The following ZC3H6 variants were observed in gnomAD, a reference collection of about 807,000 sequenced individuals.
The protein encoded by ZC3H6 is zinc finger CCCH-type containing 6.
Under a neutral mutation model 107.7 loss-of-function variants are expected in ZC3H6, and 40 were observed. That is an observed-to-expected ratio of 0.37 (90% confidence interval 0.29 to 0.48). The LOEUF is 0.48. Ranked by LOEUF, ZC3H6 falls within the 20% of genes least tolerant of loss-of-function variation. ZC3H6 has a pLI of 0.98. For synonymous variants in ZC3H6, 493 were observed against 487.9 expected, an observed-to-expected ratio of 1.01 and a Z score of -0.14; for missense variants, 1,267 against 1,410.4, an observed-to-expected ratio of 0.90 and a Z score of 1.63.
At chr2:112,290,072 CTAA>C (rs1676076074) in intron 1 of ZC3H6, among the ~76,000 whole-genome samples, 1 of 152,114 alleles carries the variant, frequency 6.6e-6, no homozygotes, top group South Asian at 2.1e-4. Flanking sequence ...AAAGTTTGGA[CTAA>C]TGTTCTTTGA....
chr2:112,296,829 C>G (rs1340749715), intron 1 of ZC3H6, among the ~76,000 whole-genome samples: 2 of 152,138 alleles, frequency 1.3e-5, no homozygotes, highest in Admixed American at 6.5e-5. Context: ...CCTGCTTTCA[C>G]CAATGAACAA....
intron 1 of ZC3H6, among the ~76,000 whole-genome samples, chr2:112,298,083 C>G (rs1467450413): frequency 1.3e-5 from 2 of 152,112 alleles, no homozygotes; most frequent in African/African-American, 4.8e-5. Context: ...CACTGCACTG[C>G]AGTCTGGGTG....
At chr2:112,309,385 G>GT (rs1249981797) in intron 3 of ZC3H6, among the ~76,000 whole-genome samples, 4 of 152,060 alleles carry the variant, frequency 2.6e-5, no homozygotes, top group Non-Finnish European at 4.4e-5. Flanking sequence ...GGAAAGCTCT[G>GT]TTTTTTCTAT....
At chr2:112,321,118 G>A (rs888151329) in intron 7 of ZC3H6, among the ~76,000 whole-genome samples, 5 of 151,942 alleles carry the variant, frequency 3.3e-5, no homozygotes, top group Non-Finnish European at 5.9e-5. Flanking sequence ...TACATCACCT[G>A]AGAGTGGTAT....
intron 1 of ZC3H6, among the ~76,000 whole-genome samples, chr2:112,297,615 T>A (rs897000072): frequency 6.6e-6 from 1 of 152,218 alleles, no homozygotes; most frequent in African/African-American, 2.4e-5. Flanking sequence ...TCATAATCAA[T>A]ATAAAAGTCA....
rs1677043757 is a variant in ZC3H6, at chr2:112,331,991, G to A, written c.3073G>A (p.Ala1025Thr). 1.2e-6 allele frequency: 2 copies of A among 1,613,958 alleles called. No individual in the cohort carries two copies. The highest frequency in any genetic ancestry group is 1.7e-6 in the Non-Finnish European group (2 of 1,179,894). Residue 1025 changes from alanine (A) to threonine (T), a missense_variant, in exon 12 of 12, where the codon GCC (alanine) becomes ACC (threonine). By Grantham distance (58) the Ala-to-Thr change is moderately conservative. Coordinates refer to ENST00000409871, the MANE Select transcript of ZC3H6 (RefSeq NM_198581.3). ...TGGTTCCGGGGCTCTGCCTCCATAT[G>A]CCCCTAAACTCTCTTCCTCAGCTGG... ...NSGSGALPPY[A>T]PKLSSSAGLP...
intron 1 of ZC3H6, among the ~76,000 whole-genome samples, chr2:112,289,322 CTT>C (rs1228912169): frequency 3.1e-5 from 2 of 65,434 alleles, no homozygotes; most frequent in Non-Finnish European, 6.7e-5. Context: ...TTTTCTTTTT[CTT>C]TTTTTTTTTT....
At chr2:112,288,547 A>G (rs1187283338) in intron 1 of ZC3H6, among the ~76,000 whole-genome samples, 4 of 152,188 alleles carry the variant, frequency 2.6e-5, no homozygotes, top group Non-Finnish European at 5.9e-5. Context: ...GGATGGCATA[A>G]TTTGTTCATG....
chr2:112,290,485 G>C (rs1034462348), intron 1 of ZC3H6, among the ~76,000 whole-genome samples: 5 of 152,236 alleles, frequency 3.3e-5, no homozygotes, highest in African/African-American at 1.2e-4. Flanking sequence ...TCGTATACTT[G>C]TGTGGTTATT....
intron 1 of ZC3H6, among the ~76,000 whole-genome samples, chr2:112,281,535 TTTGA>T (rs1360917430): frequency 6.6e-6 from 1 of 152,176 alleles, no homozygotes; most frequent in African/African-American, 2.4e-5. Flanking sequence ...GTGGATATGG[TTTGA>T]TTGGTTTTAG....
intron 1 of ZC3H6, among the ~76,000 whole-genome samples, chr2:112,276,569 ATGT>A (rs1686431160): frequency 6.6e-6 from 1 of 152,194 alleles, no homozygotes. Context: ...CAAGTTTAAT[ATGT>A]TAACACAAAA....
In ZC3H6 at chr2:112,335,477, T is replaced by G. The variant is rs1677122544; in HGVS notation, c.*2989T>G. On this transcript the variant is annotated 3_prime_UTR_variant, in exon 12 of 12. Transcript: ENST00000409871. ...GGGCTGGAAGTTTAAAGAGAATAAA[T>G]TCATATTTTTTGTTCTGAATTGATT... 6.6e-6 allele frequency: 1 copy of G among 152,136 alleles called. No homozygotes were observed. Among genetic ancestry groups the G allele is most frequent in the Non-Finnish European group, 1.5e-5 (1 of 68,018 alleles). 9.4% of individuals were successfully genotyped at this position (152,136 alleles called of 1,614,324 possible).
At position 112,324,967 on chromosome 2, in the gene ZC3H6, G is replaced by A; in HGVS notation, c.1856G>A (p.Gly619Glu). 1 of 1,598,374 alleles carries A rather than the reference G, an allele frequency of 6.3e-7. No homozygotes were observed. Among genetic ancestry groups the A allele is most frequent in the Non-Finnish European group, 8.5e-7 (1 of 1,171,956 alleles). The change falls in exon 11 of 12, where the codon GGG (glycine) becomes GAG (glutamate). Residue 619 changes from glycine (G) to glutamate (E), a missense_variant. By Grantham distance (98) the Gly-to-Glu change is moderately conservative. Around this residue, in one of 3 missense-constraint regions of ZC3H6, gnomAD observed 925 missense variants for 1,025.7 expected, o/e 0.90. Coordinates refer to ENST00000409871, the MANE Select transcript of ZC3H6 (RefSeq NM_198581.3). ...TCTCCCCATGTTATACATGTAGATG[G>A]GATGTGGCATGGTGAATTTGCCCAG... is the stretch of plus-strand genomic sequence containing the variant. ...NFQPPNNSGD[G>E]MWHGEFAQQQ...
chr2:112,313,863 A>G (rs938441511), intron 5 of ZC3H6, among the ~76,000 whole-genome samples: 4 of 152,146 alleles, frequency 2.6e-5, no homozygotes, highest in African/African-American at 9.7e-5. Flanking sequence ...AATTCGGGGT[A>G]CCTTCAGATT....
chr2:112,313,782 C>T (rs906439465), intron 5 of ZC3H6, among the ~76,000 whole-genome samples: 1 of 152,212 alleles, frequency 6.6e-6, no homozygotes, highest in South Asian at 2.1e-4. Flanking sequence ...GAGGCCACAG[C>T]AGAGTGGCCA....
At chr2:112,329,942 T>C (rs1676992669) in intron 11 of ZC3H6, among the ~76,000 whole-genome samples, 1 of 152,190 alleles carries the variant, frequency 6.6e-6, no homozygotes, top group South Asian at 2.1e-4. Flanking sequence ...TTACGATAGG[T>C]AGGCTTCTTT....
intron 1 of ZC3H6, among the ~76,000 whole-genome samples, chr2:112,295,220 A>G (rs1420282552): frequency 6.6e-6 from 1 of 152,168 alleles, no homozygotes; most frequent in Non-Finnish European, 1.5e-5. Flanking sequence ...GAACATGAAT[A>G]TGCTCCTTTT....
chr2:112,287,950 C>A (rs1281623314), intron 1 of ZC3H6, among the ~76,000 whole-genome samples: 3 of 152,210 alleles, frequency 2.0e-5, no homozygotes, highest in Non-Finnish European at 4.4e-5. Flanking sequence ...ACATGGCATG[C>A]CTTTCTGTTT....
chr2:112,284,182 T>C (rs1333027152), intron 1 of ZC3H6, among the ~76,000 whole-genome samples: 1 of 152,266 alleles, frequency 6.6e-6, no homozygotes, highest in Non-Finnish European at 1.5e-5. Context: ...TTTTATGATA[T>C]CTCCTGTTAG....
Sources: gnomAD v4.1 joint callset for allele counts (sites outside exome capture counted in the v4.1 genomes callset) on GRCh38, gnomAD v4.1.1 for gene constraint, gnomAD v4.1.1 regional missense constraint, MANE v1.5 for transcripts, NCBI Gene and HGNC (gene_info 2026-07-23, HGNC 2026-07-21) for gene names.